The following NSD2 variants were observed in gnomAD, a reference collection of about 807,000 sequenced individuals.
The protein encoded by NSD2 is histone-lysine N-methyltransferase NSD2.
Under a neutral mutation model 139.0 loss-of-function variants are expected in NSD2, and 12 were observed. The ratio of observed to expected loss-of-function variants is 0.09; its 90% CI spans 0.06 to 0.14. The LOEUF (loss-of-function observed/expected upper bound fraction) is 0.14, where lower values mean the gene tolerates loss of function less well. Among genes scored for constraint, NSD2 ranks in the 10% least tolerant of loss-of-function variants. The pLI, the probability that NSD2 is intolerant of heterozygous loss-of-function variation, is 1.00. For missense variants in NSD2, 1,155 were observed against 1,745.0 expected (o/e 0.66, Z 6.02); for synonymous variants, 669 against 648.7 (o/e 1.03, Z -0.48).
At chr4:1,919,568 C>G (rs1054829199) in intron 5 of NSD2, among the ~76,000 whole-genome samples, 9 of 152,064 alleles carry the variant, frequency 5.9e-5, no homozygotes, top group Non-Finnish European at 1.3e-4. Flanking sequence ...TTTAAGTGTT[C>G]ATTTTAATTT....
intron 6 of NSD2, among the ~76,000 whole-genome samples, chr4:1,933,702 T>A (rs1410615065): frequency 6.6e-6 from 1 of 152,160 alleles, no homozygotes; most frequent in Non-Finnish European, 1.5e-5. Flanking sequence ...CCCTGCAAGA[T>A]GTTTTATGAA....
intron 5 of NSD2, among the ~76,000 whole-genome samples, chr4:1,923,341 C>A (rs920823664): frequency 2.7e-5 from 4 of 147,208 alleles, no homozygotes; most frequent in African/African-American, 1.0e-4. Flanking sequence ...AAAAAAAATT[C>A]TTATGTGTCA....
rs2109036900 is a variant in NSD2 at position 1,979,217 on chromosome 4, T to C, written c.*308T>C. On this transcript the variant is annotated 3_prime_UTR_variant, in exon 22 of 22. Transcript: ENST00000508803. ...TCCCTCCCACTCTATTTTTTTAGGT[T>C]AAAGTTAATTGGCATATGGAATGTT... The C allele has an allele frequency of 3.1e-6, 1 of 327,586 alleles. No individual in the cohort carries two copies. The highest frequency in any genetic ancestry group is 4.6e-5 in the East Asian group (1 of 21,544). The allele number at this position is 327,586 out of a possible 1,614,324, so 20.3% of individuals were successfully genotyped here. A position where few individuals can be genotyped will look rare whatever the true frequency, so the allele number is the denominator to read the frequency against.
rs759994519 is a variant in NSD2 at position 1,935,163 on chromosome 4, A to G, written c.1575A>G (p.Lys525=). Residue 525 remains lysine, a synonymous_variant, in exon 7 of 22, where the codon AAA becomes AAG. Transcript: ENST00000508803. Reference sequence around the variant, plus strand: ...TCCAAGGTAATGTAAATGGGAAAAAAAGAAACCACACAAAGAGGATACAGG... The same window carrying G: ...TCCAAGGTAATGTAAATGGGAAAAAGAGAAACCACACAAAGAGGATACAGG... ...EEDSGNVNGK[K]RNHTKRIQDP... is the part of the protein sequence containing the mutation. 8 of 1,611,632 alleles carry G rather than the reference A, an allele frequency of 5.0e-6. No individual in the cohort carries two copies. The South Asian group carries it at 7.7e-5, about 16-fold the overall frequency.
Position 1,955,841 on chromosome 4 carries a change from G to A in NSD2, c.2667G>A (p.Gly889=), listed in dbSNP as rs763292766. Residue 889 remains glycine (G), a synonymous_variant, in exon 14 of 22, where the codon GGG becomes GGA. Transcript: ENST00000508803. This position sits in a 1 kb window ranked among gnomAD's most constrained non-coding sequence, Gnocchi z 4.7. ...AGGATATCATTTGGGTGAAACTTGG[G>A]AACTACAGGTGTGAGACATAGAATC... ...HFQDIIWVKL[G]NYRWWPAEVC... is the part of the protein sequence containing the mutation. 1.2e-6 allele frequency: 2 copies of A among 1,613,988 alleles called. No homozygotes were observed. The highest frequency in any genetic ancestry group is 2.2e-5 in the South Asian group (2 of 91,078).
At position 1,951,059 on chromosome 4, in the gene NSD2, C is replaced by T; in HGVS notation, c.1882-13C>T. ...GCGACTAGTGAACTGTCATCCGCCT[C>T]CTTCATCTCTAGGTCTCGGACAGCC... On this transcript the variant is annotated splice_polypyrimidine_tract_variant and intron_variant, in intron 9 of 21. Coordinates refer to ENST00000508803, the MANE Select transcript of NSD2 (RefSeq NM_001042424.3). 6.2e-7 allele frequency: 1 copy of T among 1,613,866 alleles called. No individual in the cohort carries two copies. Among genetic ancestry groups the T allele is most frequent in the Non-Finnish European group, 8.5e-7 (1 of 1,179,894 alleles).
intron 6 of NSD2, among the ~76,000 whole-genome samples, chr4:1,933,001 C>G (rs1324937567): frequency 1.3e-5 from 2 of 152,204 alleles, no homozygotes; most frequent in Non-Finnish European, 2.9e-5. Context: ...GGTGCCTATG[C>G]TTGGCAGTGC....
In NSD2 at chr4:1,943,441, C is replaced by A. The variant is rs1197901678; in HGVS notation, c.1881+3663C>A. 3 of 1,044,262 alleles carry A rather than the reference C, an allele frequency of 2.9e-6. No homozygotes were observed. The African/African-American group carries it at 5.0e-5, about 17-fold the overall frequency. 64.7% of individuals were successfully genotyped at this position (1,044,262 alleles called of 1,614,324 possible). On this transcript the variant is annotated intron_variant, in intron 9 of 21. Coordinates refer to ENST00000508803, the MANE Select transcript of NSD2 (RefSeq NM_001042424.3). ...ATAATAAAAATGATAAAATTGCCAT[C>A]ATTCTATTTTTATCCAAAAGTATAA...
intron 1 of NSD2, among the ~76,000 whole-genome samples, chr4:1,900,156 G>A (rs537737216): frequency 2.0e-5 from 3 of 152,308 alleles, no homozygotes; most frequent in Admixed American, 6.5e-5. Flanking sequence ...AGGAGGGATT[G>A]GGATGAGCTC....
At chr4:1,950,920 A>G (rs1234836259) in intron 9 of NSD2, 152 bp from the exon 10 acceptor site, 2 of 1,053,296 alleles carry the variant, frequency 1.9e-6, no homozygotes, top group African/African-American at 1.6e-5. Flanking sequence ...CCAGTTGATG[A>G]TGGTTCCACT....
chr4:1,961,601 C>T (rs186908483), intron 18 of NSD2, among the ~76,000 whole-genome samples: 1 of 151,558 alleles, frequency 6.6e-6, no homozygotes, highest in Non-Finnish European at 1.5e-5. Context: ...ATATTTCTAA[C>T]CATTTTGGAA....
chr4:1,940,603 T>G (rs978412234), intron 9 of NSD2: 1 of 1,063,144 alleles, frequency 9.4e-7, no homozygotes, highest in Non-Finnish European at 1.1e-6. Flanking sequence ...TTCTCCGTGA[T>G]GCTGTTTTTC....
intron 11 of NSD2, 32 bp from the exon 12 acceptor site, chr4:1,953,292 C>G: frequency 6.2e-7 from 1 of 1,614,208 alleles, no homozygotes; most frequent in Non-Finnish European, 8.5e-7. Context: ...CTTTGCACCT[C>G]TCTCTCCACC....
chr4:1,965,731 C>G (rs1010745934), intron 18 of NSD2, among the ~76,000 whole-genome samples: 1 of 152,138 alleles, frequency 6.6e-6, no homozygotes, highest in Non-Finnish European at 1.5e-5. Flanking sequence ...AAGAAACTTA[C>G]CATCACGGTG....
intron 9 of NSD2, among the ~76,000 whole-genome samples, chr4:1,949,071 A>G (rs562502182): frequency 3.3e-5 from 5 of 152,298 alleles, no homozygotes; most frequent in African/African-American, 1.2e-4. Context: ...CTGCTTCCCC[A>G]TGCCCTGTGC....
intron 21 of NSD2, among the ~76,000 whole-genome samples, chr4:1,977,562 G>C (rs1560820314): frequency 1.3e-5 from 2 of 152,070 alleles, no homozygotes; most frequent in Non-Finnish European, 2.9e-5. Context: ...GATCACCTGA[G>C]GTCAGGAGTT....
At chr4:1,872,954 CAT>C (rs375706303) in intron 1 of NSD2, among the ~76,000 whole-genome samples, 3 of 152,314 alleles carry the variant, frequency 2.0e-5, no homozygotes, top group East Asian at 1.9e-4. Context: ...ACGCCAACAA[CAT>C]AAAGCAAACA....
intron 8 of NSD2, 29 bp from the exon 9 acceptor site, chr4:1,939,625 A>C (rs1722869414): frequency 6.2e-7 from 1 of 1,611,144 alleles, no homozygotes; most frequent in Non-Finnish European, 8.5e-7. Flanking sequence ...TTATGATTTG[A>C]AACTTTACAA....
chr4:1,891,359 G>T (rs941599131), intron 1 of NSD2, among the ~76,000 whole-genome samples: 9 of 152,130 alleles, frequency 5.9e-5, no homozygotes, highest in Non-Finnish European at 1.3e-4. Flanking sequence ...AGTCTTTTCC[G>T]CCCCCGGAGG....
Sources: gnomAD v4.1 joint callset for allele counts (sites outside exome capture counted in the v4.1 genomes callset) on GRCh38, gnomAD v4.1.1 for gene constraint, Gnocchi (gnomAD v3.1) non-coding constraint, MANE v1.5 for transcripts, NCBI Gene and HGNC (gene_info 2026-07-23, HGNC 2026-07-21) for gene names.